The following RNF144B variants were observed in gnomAD, a reference collection of about 807,000 sequenced individuals.
The protein encoded by RNF144B is E3 ubiquitin-protein ligase RNF144B.
Under a neutral mutation model 40.2 loss-of-function variants are expected in RNF144B, and 25 were observed. That is an observed-to-expected ratio of 0.62 (90% confidence interval 0.45 to 0.87). The LOEUF is 0.87. Ranked by LOEUF, RNF144B falls within the 40% of genes least tolerant of loss-of-function variation. The probability of loss-of-function intolerance (pLI) is 0.00; values close to 1 mark genes in which losing one functional copy is unlikely to be tolerated. For missense variants in RNF144B, 365 were observed against 373.7 expected (o/e 0.98, Z 0.19); for synonymous variants, 145 against 136.3 (o/e 1.06, Z -0.44).
rs1470455295 is a variant in RNF144B at position 18,446,913 on chromosome 6, G to A, written c.331+7169G>A. ...GTGTGTTTGTTGGCTCAACAAATATGTCAGGACATCTCCATGACGGTAAAT... is the reference window on the plus strand; with the variant it reads ...GTGTGTTTGTTGGCTCAACAAATATATCAGGACATCTCCATGACGGTAAAT... On this transcript the variant is annotated intron_variant, in intron 4 of 7. Coordinates refer to ENST00000259939, the MANE Select transcript of RNF144B (RefSeq NM_182757.4). This position sits in a 1 kb window ranked among gnomAD's most constrained non-coding sequence, Gnocchi z 4.7. Among the ~76,000 whole-genome samples the A allele has an allele frequency of 6.6e-6, 1 of 151,302 alleles. No individual in the cohort carries two copies. The highest frequency in any genetic ancestry group is 1.5e-5 in the Non-Finnish European group (1 of 67,800).
In RNF144B at chr6:18,448,337, G is replaced by A. The variant is rs1759129717; in HGVS notation, c.331+8593G>A. On this transcript the variant is annotated intron_variant, in intron 4 of 7. Transcript: ENST00000259939. The surrounding 1 kb of genome is among the most constrained non-coding windows in gnomAD (Gnocchi z 4.0). ...TAGGTCATCTCTATCAGGAAAGAAG[G>A]TGGAGAGGTTACGGACATGGATGCA... Among the ~76,000 whole-genome samples, 1 of 152,000 alleles carries A rather than the reference G, an allele frequency of 6.6e-6. No homozygotes were observed. The highest frequency in any genetic ancestry group is 2.4e-5 in the African/African-American group (1 of 41,368).
intron 2 of RNF144B, among the ~76,000 whole-genome samples, chr6:18,423,201 G>C (rs1758470871): frequency 6.6e-6 from 1 of 152,166 alleles, no homozygotes; most frequent in Admixed American, 6.6e-5. Context: ...GAGCAGCTTA[G>C]ACAGGTGATA....
In RNF144B at chr6:18,450,299, T is replaced by C. The variant is rs1213127484; in HGVS notation, c.332-6856T>C. Among the ~76,000 whole-genome samples, 1 of 149,120 alleles carries C rather than the reference T, an allele frequency of 6.7e-6. No homozygotes were observed. The highest frequency in any genetic ancestry group is 1.5e-5 in the Non-Finnish European group (1 of 66,760). ...GGGAACAACTCTGATTTGTAGTGCT[T>C]GCCAGTTTTTTTTTTTTAGATGGAG... is the stretch of plus-strand genomic sequence containing the variant. On this transcript the variant is annotated intron_variant, in intron 4 of 7. Coordinates refer to ENST00000259939, the MANE Select transcript of RNF144B (RefSeq NM_182757.4). This position sits in a 1 kb window ranked among gnomAD's most constrained non-coding sequence, Gnocchi z 4.7.
chr6:18,421,271 TATACACACACACACACACAC>T (rs765919982), intron 2 of RNF144B, among the ~76,000 whole-genome samples: 4,714 of 130,986 alleles, frequency 0.036, 284 homozygotes, highest in African/African-American at 0.13. Flanking sequence ...AATTATATAT[TATACACACACACACACACAC>T]ACACACACAC....
At chr6:18,408,856 T>C (rs765017956) in intron 2 of RNF144B, among the ~76,000 whole-genome samples, 14 of 152,026 alleles carry the variant, frequency 9.2e-5, no homozygotes, top group African/African-American at 1.2e-4. Context: ...AATCAATTTC[T>C]AGGGAACACA....
chr6:18,410,981 C>CTT lies in RNF144B; in HGVS notation c.165+11283_165+11284dup, dbSNP rs1341495254. On this transcript the variant is annotated intron_variant, in intron 2 of 7. Transcript: ENST00000259939. The surrounding 1 kb of genome is among the most constrained non-coding windows in gnomAD (Gnocchi z 4.6). Reference sequence around the variant, plus strand: ...TGTCAGCTTTCTTTTCTTTTTTTTTCTTCTTTTCTTTTCTTTTTTTTTGAG... The same window carrying CTT: ...TGTCAGCTTTCTTTTCTTTTTTTTTCTTTTCTTTTCTTTTCTTTTTTTTTGAG... Among the ~76,000 whole-genome samples, 2 of 133,796 alleles carry CTT rather than the reference C, an allele frequency of 1.5e-5. No homozygotes were observed. Among genetic ancestry groups the CTT allele is most frequent in the African/African-American group, 2.8e-5 (1 of 35,466 alleles). 87.8% of individuals were successfully genotyped at this position (133,796 alleles called of 152,430 possible). A position where few individuals can be genotyped will look rare whatever the true frequency, so the allele number is the denominator to read the frequency against.
In RNF144B at chr6:18,459,646, G is replaced by A. The variant is rs775087276; in HGVS notation, c.576G>A (p.Gln192=). ...FGTDAEAPIK[Q]CPVCRVYIER... is the part of the protein sequence containing the mutation. ...CAGATGCAGAAGCCCCCATTAAGCA[G>A]TGCCCAGTTTGCCGGGTTTATATCG... The change falls in exon 6 of 8, where the codon CAG becomes CAA. Residue 192 remains glutamine (Q), a synonymous_variant. Transcript: ENST00000259939. The surrounding 1 kb of genome is among the most constrained non-coding windows in gnomAD (Gnocchi z 4.2). The A allele has an allele frequency of 8.7e-6, 14 of 1,613,916 alleles. No individual in the cohort carries two copies. In the South Asian group the frequency reaches 1.2e-4, roughly 14 times the overall value.
In RNF144B at chr6:18,458,179, C is replaced by T. The variant is rs1759373074; in HGVS notation, c.536+820C>T. On this transcript the variant is annotated intron_variant, in intron 5 of 7. Coordinates refer to ENST00000259939, the MANE Select transcript of RNF144B (RefSeq NM_182757.4). This position sits in a 1 kb window ranked among gnomAD's most constrained non-coding sequence, Gnocchi z 4.8. Reference sequence around the variant, plus strand: ...TCTTGAAATCCTGACCTCAAGTGATCCACCCGCCTAGGCCTCCCAAAGTGC... The same window carrying T: ...TCTTGAAATCCTGACCTCAAGTGATTCACCCGCCTAGGCCTCCCAAAGTGC... Among the ~76,000 whole-genome samples the T allele has an allele frequency of 6.6e-6, 1 of 152,130 alleles. No homozygotes were observed.
chr6:18,413,847 GTTAA>G (rs1478835210), intron 2 of RNF144B, among the ~76,000 whole-genome samples: 2 of 152,140 alleles, frequency 1.3e-5, no homozygotes, highest in African/African-American at 4.8e-5. Flanking sequence ...TAGGTAATGT[GTTAA>G]TTAAAGATTG....
intron 3 of RNF144B, among the ~76,000 whole-genome samples, chr6:18,438,993 T>TA (rs1758888459): frequency 6.6e-6 from 1 of 152,188 alleles, no homozygotes; most frequent in Admixed American, 6.5e-5. Context: ...CATCTGCCTT[T>TA]AAAAATAACT....
At position 18,442,265 on chromosome 6, in the gene RNF144B, G is replaced by C. The variant is rs1009177087; in HGVS notation, c.331+2521G>C. Among the ~76,000 whole-genome samples the C allele has an allele frequency of 2.6e-5, 4 of 152,210 alleles. No individual in the cohort carries two copies. Among genetic ancestry groups the C allele is most frequent in the Non-Finnish European group, 5.9e-5 (4 of 68,040 alleles). ...ACAATTAAGTTGGGCAGGCATCTGA[G>C]CCAGTCTATCTTTTTTAGGTGGTGA... On this transcript the variant is annotated intron_variant, in intron 4 of 7. Transcript: ENST00000259939. The surrounding 1 kb of genome is among the most constrained non-coding windows in gnomAD (Gnocchi z 4.3).
intron 3 of RNF144B, among the ~76,000 whole-genome samples, chr6:18,435,342 G>A (rs1026390320): frequency 1.4e-4 from 22 of 152,160 alleles, no homozygotes; most frequent in African/African-American, 4.8e-4. Flanking sequence ...GATTTGGTTA[G>A]TAATGAATTA....
rs188072089 is a variant in RNF144B, at chr6:18,456,540, G to A, written c.332-615G>A. ...GATTTGAGATTTTTGCCTATTTTAC[G>A]TGCTCAAAGGTGGGAAATATTCTAA... On this transcript the variant is annotated intron_variant, in intron 4 of 7. Transcript: ENST00000259939. This position sits in a 1 kb window ranked among gnomAD's most constrained non-coding sequence, Gnocchi z 4.7. Among the ~76,000 whole-genome samples the A allele has an allele frequency of 5.1e-4, 78 of 152,248 alleles. No individual in the cohort carries two copies. The highest frequency in any genetic ancestry group is 1.4e-3 in the African/African-American group (58 of 41,554).
rs1030759891 is a variant in RNF144B at position 18,414,442 on chromosome 6, T to C, written c.166-13139T>C. The stretch of plus-strand genomic sequence containing the variant: ...TGAGCTATTTTGCATGCTGGCTTTG[T>C]AGGTTATATCCTGTAGGAAAAAATG... On this transcript the variant is annotated intron_variant, in intron 2 of 7. Transcript: ENST00000259939. The surrounding 1 kb of genome is among the most constrained non-coding windows in gnomAD (Gnocchi z 4.9). Among the ~76,000 whole-genome samples, 24 of 152,186 alleles carry C rather than the reference T, an allele frequency of 1.6e-4. No homozygotes were observed. The highest frequency in any genetic ancestry group is 5.3e-4 in the African/African-American group (22 of 41,456).
At chr6:18,393,907 C>G (rs1794637787) in intron 1 of RNF144B, among the ~76,000 whole-genome samples, 1 of 152,140 alleles carries the variant, frequency 6.6e-6, no homozygotes, top group African/African-American at 2.4e-5. Context: ...CATATAAACA[C>G]ATTGAGAGTA....
intron 3 of RNF144B, among the ~76,000 whole-genome samples, chr6:18,430,663 T>TAA (rs1758672754): frequency 6.6e-6 from 1 of 151,480 alleles, no homozygotes; most frequent in Non-Finnish European, 1.5e-5. Flanking sequence ...TTTAATTTTT[T>TAA]TTTTTTTTTA....
At position 18,387,400 on chromosome 6, in the gene RNF144B, A is replaced by G. The variant is rs1794468286; in HGVS notation, c.-267A>G. ...AACAGTCCCGGGCATCGCAGCTGCC[A>G]GTCAAGGCTAGGAGGCGGTCGGGGA... is the stretch of plus-strand genomic sequence containing the variant. On this transcript the variant is annotated 5_prime_UTR_variant, in exon 1 of 8. Coordinates refer to ENST00000259939, the MANE Select transcript of RNF144B (RefSeq NM_182757.4). The G allele has an allele frequency of 2.6e-6, 3 of 1,158,342 alleles. No individual in the cohort carries two copies. Among genetic ancestry groups the G allele is most frequent in the Admixed American group, 4.0e-5 (1 of 25,234 alleles). 71.8% of individuals were successfully genotyped at this position (1,158,342 alleles called of 1,614,324 possible).
Position 18,446,405 on chromosome 6 carries a change from C to G in RNF144B, c.331+6661C>G, listed in dbSNP as rs1759083254. Among the ~76,000 whole-genome samples the G allele has an allele frequency of 6.6e-6, 1 of 152,088 alleles. No homozygotes were observed. On this transcript the variant is annotated intron_variant, in intron 4 of 7. Coordinates refer to ENST00000259939, the MANE Select transcript of RNF144B (RefSeq NM_182757.4). This position sits in a 1 kb window ranked among gnomAD's most constrained non-coding sequence, Gnocchi z 4.7. ...AGATATCTTTTCAGTGGAATCTGGC[C>G]AGATTTCTATGTCTGGATCCCTGTT...
At position 18,398,002 on chromosome 6, in the gene RNF144B, G is replaced by A. The variant is rs958075061; in HGVS notation, c.-36-1497G>A. ...CAGGTGAGGAAGCATACCCTGACTCGGGAGGTGGAGTCGGGAGGGTCATGT... is the reference window on the plus strand; with the variant it reads ...CAGGTGAGGAAGCATACCCTGACTCAGGAGGTGGAGTCGGGAGGGTCATGT... On this transcript the variant is annotated intron_variant, in intron 1 of 7. Transcript: ENST00000259939. This position sits in a 1 kb window ranked among gnomAD's most constrained non-coding sequence, Gnocchi z 5.0. Among the ~76,000 whole-genome samples the A allele has an allele frequency of 2.6e-5, 4 of 152,016 alleles. No individual in the cohort carries two copies. Among genetic ancestry groups the A allele is most frequent in the African/African-American group, 7.2e-5 (3 of 41,386 alleles).
Sources: allele counts gnomAD v4.1 joint callset (sites outside exome capture counted in the v4.1 genomes callset), GRCh38; gene constraint gnomAD v4.1.1; non-coding constraint Gnocchi (gnomAD v3.1); transcripts MANE v1.5; gene names NCBI Gene and HGNC (gene_info 2026-07-23, HGNC 2026-07-21).